DUS4L: variants seen among roughly 807,000 people sequenced by gnomAD.
DUS4L encodes dihydrouridine synthase 4 like.
A neutral mutation model predicts 33.8 loss-of-function variants in DUS4L; 31 were observed. The ratio of observed to expected loss-of-function variants is 0.92; its 90% CI spans 0.69 to 1.24. The LOEUF (loss-of-function observed/expected upper bound fraction) is 1.24. Among genes scored for constraint, DUS4L ranks in the 50% most tolerant of loss-of-function variants. DUS4L has a pLI of 0.00. For synonymous variants in DUS4L, 103 were observed against 120.3 expected, an observed-to-expected ratio of 0.86 and a Z score of 0.94; for missense variants, 368 against 388.6, an observed-to-expected ratio of 0.95 and a Z score of 0.45.
chr7:107,564,846 C>T (rs1804454423), intron 2 of DUS4L, among the ~76,000 whole-genome samples, 170 bp downstream of exon 2: 1 of 152,162 alleles, frequency 6.6e-6, no homozygotes, highest in Admixed American at 6.5e-5. Flanking sequence ...TCATTTTGTA[C>T]AGTAGGTATG....
At chr7:107,575,390 T>A in intron 6 of DUS4L, 80 bp downstream of exon 6, 3 of 1,497,504 alleles carry the variant, frequency 2.0e-6, no homozygotes, top group South Asian at 1.3e-5. Context: ...TCTGATGCTG[T>A]TGGGAGTATC....
chr7:107,564,283 G>GTT, intron 1 of DUS4L, 74 bp downstream of exon 1: 1 of 494,982 alleles, frequency 2.0e-6, no homozygotes, highest in Non-Finnish European at 3.7e-6. Flanking sequence ...GCCGCGCGGC[G>GTT]TAAGGCAGGA....
At chr7:107,569,650 A>G (rs77512827) in intron 3 of DUS4L, among the ~76,000 whole-genome samples, 4 of 28,496 alleles carry the variant, frequency 1.4e-4, no homozygotes, top group African/African-American at 7.2e-4. Context: ...AGTTCTGCAC[A>G]TGTTTTGTAA....
At chr7:107,574,111 T>TA (rs1805513606) in intron 5 of DUS4L, among the ~76,000 whole-genome samples, 1 of 152,174 alleles carries the variant, frequency 6.6e-6, no homozygotes, top group Admixed American at 6.5e-5. Flanking sequence ...TAAGTAGTTA[T>TA]ATGAGAATCT....
At chr7:107,567,421 A>G (rs1804809442) in intron 3 of DUS4L, among the ~76,000 whole-genome samples, 1 of 152,144 alleles carries the variant, frequency 6.6e-6, no homozygotes, top group African/African-American at 2.4e-5. Context: ...TGGTGGTTGT[A>G]ACTCCTACCT....
Position 107,577,656 on chromosome 7 carries a change from T to G in DUS4L, c.*96T>G. The G allele has an allele frequency of 7.3e-7, 1 of 1,363,988 alleles. No individual in the cohort carries two copies. The highest frequency in any genetic ancestry group is 9.9e-7 in the Non-Finnish European group (1 of 1,015,040). The allele number at this position is 1,363,988 out of a possible 1,614,324, so 84.5% of individuals were successfully genotyped here. On this transcript the variant is annotated 3_prime_UTR_variant, in exon 8 of 8. Transcript: ENST00000265720. Reference sequence around the variant, plus strand: ...ACCTTAAACCAGTAGCTCTCAAATTTTAGTATAAAAACAATTCCTGGGAGC... The same window carrying G: ...ACCTTAAACCAGTAGCTCTCAAATTGTAGTATAAAAACAATTCCTGGGAGC...
rs1440971678 is a variant in DUS4L, at chr7:107,577,570, C to G, written c.*10C>G. On this transcript the variant is annotated 3_prime_UTR_variant, in exon 8 of 8. Transcript: ENST00000265720. ...CCATTATGGCATTTGACTAGACTTC[C>G]CAAATAATTTTAATATATACTTTTA... 2 of 1,608,042 alleles carry G rather than the reference C, an allele frequency of 1.2e-6. No homozygotes were observed. Among genetic ancestry groups the G allele is most frequent in the Admixed American group, 3.4e-5 (2 of 59,612 alleles).
chr7:107,567,791 C>T (rs984123100), intron 3 of DUS4L: 7 of 452,282 alleles, frequency 1.5e-5, no homozygotes, highest in South Asian at 1.1e-4. Context: ...TGTGACTCCC[C>T]ATTCCACTGT....
At chr7:107,574,343 TTTC>T (rs1469011647) in intron 5 of DUS4L, among the ~76,000 whole-genome samples, 4 of 151,370 alleles carry the variant, frequency 2.6e-5, no homozygotes, top group Non-Finnish European at 4.4e-5. Flanking sequence ...GACAATAATA[TTTC>T]TTTTTTTTTT....
At chr7:107,570,814 G>C (rs1805151541) in intron 3 of DUS4L, 4 of 260,110 alleles carry the variant, frequency 1.5e-5, no homozygotes, top group Admixed American at 5.2e-5. Context: ...GGTTTTGTCT[G>C]CATCCATTGT....
chr7:107,573,746 G>T lies in DUS4L; in HGVS notation c.281G>T (p.Arg94Ile), dbSNP rs1471739170. Residue 94 changes from arginine (R) to isoleucine (I), a missense_variant, in exon 5 of 8, where the codon AGA (arginine) becomes ATA (isoleucine). Coordinates refer to ENST00000265720, the MANE Select transcript of DUS4L (RefSeq NM_181581.3). ...GTTCAGTTTGCTGCTAACGATGCAAGACTTTTATCTGATGCTGCTCGTATA... is the reference window on the plus strand; with the variant it reads ...GTTCAGTTTGCTGCTAACGATGCAATACTTTTATCTGATGCTGCTCGTATA... The part of the protein sequence containing the change: ...LIVQFAANDA[R>I]LLSDAARIVC... 6.2e-7 allele frequency: 1 copy of T among 1,611,046 alleles called. No homozygotes were observed. The highest frequency in any genetic ancestry group is 8.5e-7 in the Non-Finnish European group (1 of 1,178,774).
At chr7:107,570,838 C>T (rs1805155414) in intron 3 of DUS4L, 2 of 267,364 alleles carry the variant, frequency 7.5e-6, no homozygotes, top group South Asian at 4.1e-5. Context: ...TTCCAGGTGG[C>T]CAGCTTCTTC....
chr7:107,577,573 A>G lies in DUS4L; in HGVS notation c.*13A>G, dbSNP rs1380218726. On this transcript the variant is annotated 3_prime_UTR_variant, in exon 8 of 8. Transcript: ENST00000265720. ...TTATGGCATTTGACTAGACTTCCCAAATAATTTTAATATATACTTTTAGAC... is the reference window on the plus strand; with the variant it reads ...TTATGGCATTTGACTAGACTTCCCAGATAATTTTAATATATACTTTTAGAC... 2 of 1,607,208 alleles carry G rather than the reference A, an allele frequency of 1.2e-6. No homozygotes were observed. Among genetic ancestry groups the G allele is most frequent in the Non-Finnish European group, 8.5e-7 (1 of 1,176,466 alleles).
In DUS4L at chr7:107,564,006, G is replaced by A. The variant is rs199830497; in HGVS notation, c.-314G>A. 4.3e-6 allele frequency: 6 copies of A among 1,411,750 alleles called. No homozygotes were observed. In the East Asian group the frequency reaches 9.5e-5, roughly 22 times the overall value. 87.5% of individuals were successfully genotyped at this position (1,411,750 alleles called of 1,614,324 possible). ...CCAGCCCATGGCTCCAGGCCCACCT[G>A]GCGAACTGACTCTCAGCCCGCGCCT... On this transcript the variant is annotated 5_prime_UTR_variant, in exon 1 of 8. Coordinates refer to ENST00000265720, the MANE Select transcript of DUS4L (RefSeq NM_181581.3).
At chr7:107,569,628 T>G (rs1422149653) in intron 3 of DUS4L, among the ~76,000 whole-genome samples, 1 of 136,776 alleles carries the variant, frequency 7.3e-6, no homozygotes, top group Non-Finnish European at 1.6e-5. Context: ...ATTGTGTAGT[T>G]TTCAGCATAC....
chr7:107,573,853 A>C, intron 5 of DUS4L, 32 bp downstream of exon 5: 1 of 1,461,268 alleles, frequency 6.8e-7, no homozygotes, highest in Non-Finnish European at 9.1e-7. Context: ...AGAATTTTCC[A>C]AAAGAGTAGA....
chr7:107,575,294 G>C lies in DUS4L; in HGVS notation c.463G>C (p.Val155Leu), dbSNP rs150980530. Residue 155 changes from valine to leucine, a missense_variant, in exon 6 of 8, where the codon GTT (valine) becomes CTT (leucine). Transcript: ENST00000265720. ...RNQVETPGFS[V>L]SIKIRIHDDL... ...TCAAGTGGAAACCCCTGGATTTTCA[G>C]TTTCTATTAAAATAAGGTAAAGACA... 5.6e-5 allele frequency: 91 copies of C among 1,611,056 alleles called. No individual in the cohort carries two copies. The highest frequency in any genetic ancestry group is 7.0e-5 in the Non-Finnish European group (83 of 1,179,002).
Position 107,573,775 on chromosome 7 carries a change from T to A in DUS4L, c.310T>A (p.Cys104Ser). 1 of 1,606,466 alleles carries A rather than the reference T, an allele frequency of 6.2e-7. No homozygotes were observed. Among genetic ancestry groups the A allele is most frequent in the African/African-American group, 1.3e-5 (1 of 74,714 alleles). ...TTTATCTGATGCTGCTCGTATAGTC[T>A]GTCCTTATGCGAATGGAATAGACAT... is the stretch of plus-strand genomic sequence containing the variant. ...RLLSDAARIV[C>S]PYANGIDINC... Residue 104 changes from cysteine to serine, a missense_variant, in exon 5 of 8, where the codon TGT becomes AGT. By Grantham distance (112) the Cys-to-Ser change is moderately radical. Transcript: ENST00000265720.
At position 107,567,105 on chromosome 7, in the gene DUS4L, A is replaced by C. The variant is rs767541229; in HGVS notation, c.35A>C (p.Gln12Pro). The change falls in exon 3 of 8, where the codon CAG becomes CCG. Residue 12 changes from glutamine (Q) to proline (P), a missense_variant. Coordinates refer to ENST00000265720, the MANE Select transcript of DUS4L (RefSeq NM_181581.3). ...GACTGCATGCAAACGACAATATGTCAGGAAAGAAAAAAAGATCCCATAGAA... is the reference window on the plus strand; with the variant it reads ...GACTGCATGCAAACGACAATATGTCCGGAAAGAAAAAAAGATCCCATAGAA... ...KSDCMQTTIC[Q>P]ERKKDPIEMF... 1.2e-6 allele frequency: 2 copies of C among 1,613,658 alleles called. No homozygotes were observed. The highest frequency in any genetic ancestry group is 1.7e-6 in the Non-Finnish European group (2 of 1,179,704).
Sources: allele counts gnomAD v4.1 joint callset (sites outside exome capture counted in the v4.1 genomes callset), GRCh38; gene constraint gnomAD v4.1.1; transcripts MANE v1.5; gene names NCBI Gene and HGNC (gene_info 2026-07-23, HGNC 2026-07-21).